The following TCL1B variants were observed in gnomAD, a reference collection of about 807,000 sequenced individuals.
TCL1B encodes TCL1 family AKT coactivator B, also known as T-cell leukemia/lymphoma protein 1B.
Under a neutral mutation model 16.9 loss-of-function variants are expected in TCL1B, and 14 were observed. The observed-to-expected ratio is 0.83, with a 90% CI of 0.55 to 1.30. The LOEUF is 1.30. TCL1B is among the 50% of genes most tolerant of loss of function. The probability of loss-of-function intolerance (pLI) is 0.00; values close to 1 mark genes in which losing one functional copy is unlikely to be tolerated. For missense variants in TCL1B, 166 were observed against 165.2 expected, an observed-to-expected ratio of 1.00 and a Z score of -0.03; for synonymous variants, 79 against 66.6, an observed-to-expected ratio of 1.19 and a Z score of -0.91.
chr14:95,686,625 G>T lies in TCL1B; in HGVS notation c.158G>T (p.Ser53Ile), dbSNP rs377230387. The change falls in exon 1 of 4, where the codon AGC becomes ATC. Residue 53 changes from serine to isoleucine, a missense_variant. By Grantham distance (142) the Ser-to-Ile change is moderately radical. Transcript: ENST00000340722. The part of the protein sequence containing the change: ...RREWARASQG[S>I]RYEPSITVHL... The stretch of plus-strand genomic sequence containing the variant: ...GAATGGGCCAGGGCCTCCCAGGGCA[G>T]CAGAGTGAGTCCTGGGCACGAGGGG... 1.1e-5 allele frequency: 18 copies of T among 1,606,388 alleles called. No homozygotes were observed. The African/African-American group carries it at 2.3e-4, about 20-fold the overall frequency.
chr14:95,687,553 ATAT>A (rs1885788421), intron 1 of TCL1B, among the ~76,000 whole-genome samples: 1 of 152,172 alleles, frequency 6.6e-6, no homozygotes, highest in African/African-American at 2.4e-5. Flanking sequence ...TTTTCCCAAA[ATAT>A]TTTTAATCTG....
intron 1 of TCL1B, among the ~76,000 whole-genome samples, chr14:95,689,869 A>G (rs1419239229): frequency 3.3e-5 from 5 of 152,282 alleles, no homozygotes; most frequent in Non-Finnish European, 5.9e-5. Context: ...AAGACATTTT[A>G]TCACAAAAGA....
intron 1 of TCL1B, among the ~76,000 whole-genome samples, chr14:95,687,715 G>A (rs1161599155): frequency 6.6e-6 from 1 of 152,220 alleles, no homozygotes; most frequent in Admixed American, 6.5e-5. Flanking sequence ...CACTTTGGGA[G>A]GCCGAGATGG....
chr14:95,687,277 G>C (rs984515277), intron 1 of TCL1B, among the ~76,000 whole-genome samples: 4 of 152,132 alleles, frequency 2.6e-5, no homozygotes, highest in Non-Finnish European at 4.4e-5. Context: ...CTCAGGAAAC[G>C]GCTGTAGATG....
chr14:95,690,734 A>G lies in TCL1B; in HGVS notation c.163-2A>G. The G allele has an allele frequency of 6.2e-7, 1 of 1,608,422 alleles. No individual in the cohort carries two copies. The highest frequency in any genetic ancestry group is 8.5e-7 in the Non-Finnish European group (1 of 1,175,348). ...TTGCCGCCTCTTTTCTGGTCCCTTCAGTATGAACCCAGCATCACAGTGCAC... is the reference window on the plus strand; with the variant it reads ...TTGCCGCCTCTTTTCTGGTCCCTTCGGTATGAACCCAGCATCACAGTGCAC... On this transcript the variant is annotated splice_acceptor_variant, in intron 1 of 3. Coordinates refer to ENST00000340722, the MANE Select transcript of TCL1B (RefSeq NM_004918.4). LOFTEE classifies it high-confidence loss of function.
In TCL1B at chr14:95,689,098, A is replaced by T. The variant is rs60211159; in HGVS notation, c.163-1638A>T. On this transcript the variant is annotated intron_variant, in intron 1 of 3. Coordinates refer to ENST00000340722, the MANE Select transcript of TCL1B (RefSeq NM_004918.4). ...TCAGGAGATCGAGACCATCCTGGCT[A>T]ACACGGTGAAACCCCGTCTCTACTA... Among the ~76,000 whole-genome samples the T allele has an allele frequency of 9.7e-4, 148 of 152,022 alleles. 1 individual carries two copies. In the East Asian group the frequency reaches 0.01, roughly 10 times the overall value.
chr14:95,687,729 T>TA (rs1487691238), intron 1 of TCL1B, among the ~76,000 whole-genome samples: 2 of 151,918 alleles, frequency 1.3e-5, no homozygotes, highest in Non-Finnish European at 2.9e-5. Flanking sequence ...GAGATGGGCT[T>TA]ATCACGAGAT....
chr14:95,691,415 G>A (rs1272696161), intron 3 of TCL1B, 79 bp downstream of exon 3: 45 of 1,352,458 alleles, frequency 3.3e-5, no homozygotes, highest in South Asian at 7.7e-5. Flanking sequence ...GAAAGACGGC[G>A]TGGCCTCCTC....
At chr14:95,689,160 G>C (rs890750686) in intron 1 of TCL1B, 4 of 152,102 alleles carry the variant, frequency 2.6e-5, no homozygotes, top group Admixed American at 2.0e-4. Context: ...GGTGGCAGGC[G>C]TCTGTAGTCC....
chr14:95,687,862 G>T (rs1226966761), intron 1 of TCL1B, among the ~76,000 whole-genome samples: 3 of 149,288 alleles, frequency 2.0e-5, no homozygotes, highest in African/African-American at 4.9e-5. Context: ...TGAGGCAGGA[G>T]AATGGCGTGA....
chr14:95,691,255 C>A lies in TCL1B; in HGVS notation c.334-13C>A. 2.5e-6 allele frequency: 4 copies of A among 1,612,838 alleles called. No individual in the cohort carries two copies. The Admixed American group carries it at 6.7e-5, about 27-fold the overall frequency. Reference sequence around the variant, plus strand: ...TCTCCCAGAGGTTCTGATGGCTGCTCCCTCTCCTGCAGATTGACTCTATGG... The same window carrying A: ...TCTCCCAGAGGTTCTGATGGCTGCTACCTCTCCTGCAGATTGACTCTATGG... On this transcript the variant is annotated splice_polypyrimidine_tract_variant and intron_variant, in intron 2 of 3. Coordinates refer to ENST00000340722, the MANE Select transcript of TCL1B (RefSeq NM_004918.4).
In TCL1B at chr14:95,692,500, A is replaced by C. The variant is rs548247337; in HGVS notation, c.*585A>C. ...AGAGCCTCAGTGAGCCCATCTGCAC[A>C]GTGGGGAGCATGGAGGGATGGGTTT... is the stretch of plus-strand genomic sequence containing the variant. On this transcript the variant is annotated 3_prime_UTR_variant, in exon 4 of 4. Transcript: ENST00000340722. 6.6e-6 allele frequency: 1 copy of C among 152,326 alleles called. No individual in the cohort carries two copies. Among genetic ancestry groups the C allele is most frequent in the Non-Finnish European group, 1.5e-5 (1 of 68,132 alleles). The allele number at this position is 152,326 out of a possible 1,614,324, so 9.4% of individuals were successfully genotyped here. A position where few individuals can be genotyped will look rare whatever the true frequency, so the allele number is the denominator to read the frequency against.
At chr14:95,688,581 A>T (rs1885810360) in intron 1 of TCL1B, among the ~76,000 whole-genome samples, 1 of 152,058 alleles carries the variant, frequency 6.6e-6, no homozygotes, top group African/African-American at 2.4e-5. Context: ...TACCCACAAG[A>T]CTCTGAAGCC....
At chr14:95,687,070 A>G (rs1005316088) in intron 1 of TCL1B, among the ~76,000 whole-genome samples, 3 of 152,240 alleles carry the variant, frequency 2.0e-5, no homozygotes, top group Non-Finnish European at 4.4e-5. Flanking sequence ...TTGGTGTCAG[A>G]TTACTGATCT....
At chr14:95,690,991 C>G in intron 2 of TCL1B, 85 bp downstream of exon 2, 1 of 1,499,988 alleles carries the variant, frequency 6.7e-7, no homozygotes, top group Non-Finnish European at 9.1e-7. Flanking sequence ...CCCTGGCCCC[C>G]TTGGGGTTCT....
rs757637437 is a variant in TCL1B, at chr14:95,690,797, C to T, written c.224C>T (p.Ser75Phe). Residue 75 changes from serine to phenylalanine, a missense_variant, in exon 2 of 4, where the codon TCC becomes TTC. Ser to Phe is a radical substitution (Grantham distance 155). Transcript: ENST00000340722. ...GCAGTGCATACCCGGGAGCTACTCT[C>T]CTCCGGCCAGATGCCCTTCTCCCAG... ...QMAVHTRELL[S>F]SGQMPFSQLP... The T allele has an allele frequency of 6.9e-5, 111 of 1,614,104 alleles. No homozygotes were observed. Among genetic ancestry groups the T allele is most frequent in the Non-Finnish European group, 9.2e-5 (109 of 1,180,044 alleles).
rs1232441446 is a variant in TCL1B, at chr14:95,690,900, T to C, written c.327T>C (p.His109=). The change falls in exon 2 of 4, where the codon CAT becomes CAC. Residue 109 remains histidine (H), a synonymous_variant. Coordinates refer to ENST00000340722, the MANE Select transcript of TCL1B (RefSeq NM_004918.4). ...ADSSFWEIAD[H]GQIDSMEQLV... ...CCAGTTTCTGGGAAATAGCAGACCA[T>C]GGCCAGGCAAGTGTGTGGTGGTTCT... 1.2e-6 allele frequency: 2 copies of C among 1,609,540 alleles called. No individual in the cohort carries two copies. The highest frequency in any genetic ancestry group is 8.5e-7 in the Non-Finnish European group (1 of 1,177,518).
intron 1 of TCL1B, among the ~76,000 whole-genome samples, chr14:95,688,928 T>C (rs1211863034): frequency 1.3e-5 from 2 of 152,072 alleles, no homozygotes; most frequent in Non-Finnish European, 2.9e-5. Context: ...AGATAAAAAG[T>C]TCTGGAGGTG....
At chr14:95,687,981 T>C (rs1025760348) in intron 1 of TCL1B, among the ~76,000 whole-genome samples, 4 of 147,226 alleles carry the variant, frequency 2.7e-5, no homozygotes, top group Non-Finnish European at 6.0e-5. Flanking sequence ...GCCGTTTAGG[T>C]CTTCGTAAAC....
Sources: allele counts gnomAD v4.1 joint callset (sites outside exome capture counted in the v4.1 genomes callset), GRCh38; gene constraint gnomAD v4.1.1; transcripts MANE v1.5; gene names NCBI Gene and HGNC (gene_info 2026-07-23, HGNC 2026-07-21).